Variants in PKD1L1 observed in about 807,000 individuals in gnomAD.
The protein encoded by PKD1L1 is polycystin 1 like 1, transient receptor potential channel interacting.
In PKD1L1, 236 loss-of-function variants were observed where a neutral mutation model predicts 323.4. That is an observed-to-expected ratio of 0.73 (90% CI 0.66 to 0.81). PKD1L1 has a LOEUF of 0.81. PKD1L1 is among the 40% of genes least tolerant of loss of function. The probability of loss-of-function intolerance (pLI) is 0.00; values close to 1 mark genes in which losing one functional copy is unlikely to be tolerated. For synonymous variants in PKD1L1, 1,344 were observed against 1,335.0 expected (o/e 1.01, Z -0.15); for missense variants, 3,320 against 3,508.0 (o/e 0.95, Z 1.35).
At chr7:47,922,245 G>A (rs978416948) in intron 7 of PKD1L1, among the ~76,000 whole-genome samples, 7 of 152,144 alleles carry the variant, frequency 4.6e-5, no homozygotes, top group African/African-American at 7.2e-5. Context: ...GTGCAGTGGC[G>A]TGCTCTCGGC....
chr7:47,959,058 G>T, the PKD1L1 span, among the ~76,000 whole-genome samples: 21 of 151,256 alleles, frequency 1.4e-4, no homozygotes, highest in South Asian at 4.0e-3. Flanking sequence ...TCCTAACTGC[G>T]AGTGATCCGC....
At position 47,886,010 on chromosome 7, in the gene PKD1L1, C is replaced by G; in HGVS notation, c.2881G>C (p.Gly961Arg). Reference protein sequence around the residue: ...VVGLLGSLGLGAISESSQLNL... With the variant: ...VVGLLGSLGLRAISESSQLNL... The stretch of plus-strand genomic sequence containing the variant: ...AACTGTGATGACTCTGAAATGGCAC[C>G]GAGTCCCAGCGAGCCAAGCAGCCCC... Residue 961 changes from glycine to arginine, a missense_variant, in exon 18 of 57, where the codon GGT (glycine) becomes CGT (arginine). Transcript: ENST00000289672. 6.2e-7 allele frequency: 1 copy of G among 1,614,018 alleles called. No homozygotes were observed. The highest frequency in any genetic ancestry group is 8.5e-7 in the Non-Finnish European group (1 of 1,179,980).
At chr7:47,948,324 TTTGA>T in intron 1 of PKD1L1, 69 bp downstream of exon 1, 2 of 1,572,784 alleles carry the variant, frequency 1.3e-6, no homozygotes, top group Non-Finnish European at 1.7e-6. Flanking sequence ...GGTGATGACT[TTTGA>T]AAGAAAATTT....
chr7:47,891,394 C>G (rs1414960655), intron 15 of PKD1L1, among the ~76,000 whole-genome samples: 1 of 152,220 alleles, frequency 6.6e-6, no homozygotes, highest in African/African-American at 2.4e-5. Context: ...CAGTCTTGCT[C>G]TAGCAGGGAT....
chr7:47,803,941 C>T (rs1784721168), intron 52 of PKD1L1, among the ~76,000 whole-genome samples: 1 of 152,156 alleles, frequency 6.6e-6, no homozygotes, highest in South Asian at 2.1e-4. Context: ...ATGGACTCGT[C>T]CACATTCACA....
Position 47,936,935 on chromosome 7 carries a change from T to C in PKD1L1, c.309A>G (p.Glu103=). The C allele has an allele frequency of 6.2e-7, 1 of 1,611,454 alleles. No homozygotes were observed. Among genetic ancestry groups the C allele is most frequent in the Middle Eastern group, 1.7e-4 (1 of 6,048 alleles). ...RQKNIWKTTS[E]AALSVVNEKT... ...TTTCATTAACAACACTTAACGCTGC[T>C]TCACTAGTTGTTTTCCAAATGTTCT... The change falls in exon 4 of 57, where the codon GAA becomes GAG. Residue 103 remains glutamate (E), a synonymous_variant. Transcript: ENST00000289672.
In PKD1L1 at chr7:47,813,987, GGT is replaced by G. The variant is rs1460022415; in HGVS notation, c.7115_7116del (p.Tyr2372SerfsTer8). The G allele has an allele frequency of 6.2e-7, 1 of 1,614,044 alleles. No individual in the cohort carries two copies. The highest frequency in any genetic ancestry group is 8.5e-7 in the Non-Finnish European group (1 of 1,180,026). ...TGCCTAATTACGGAACTGCCTATTA[GGT>G]AGCATTTTCCTCCAAGAGCTCCAGG... ...AQPGALGGKC[Y>X]LIGSSVIRQL... On this transcript the variant is annotated frameshift_variant, in exon 48 of 57. Coordinates refer to ENST00000289672, the MANE Select transcript of PKD1L1 (RefSeq NM_138295.5). LOFTEE classifies it high-confidence loss of function.
At chr7:47,803,419 T>G in intron 52 of PKD1L1, 75 bp from the exon 53 acceptor site, 2 of 1,544,152 alleles carry the variant, frequency 1.3e-6, no homozygotes, top group Non-Finnish European at 1.8e-6. Flanking sequence ...CAGCTGTCAG[T>G]CATGCATAAA....
chr7:47,821,931 C>T (rs1163243349), intron 45 of PKD1L1, among the ~76,000 whole-genome samples: 1 of 152,018 alleles, frequency 6.6e-6, no homozygotes, highest in African/African-American at 2.4e-5. Context: ...TCAGGTGATC[C>T]ACCTGCCTTG....
chr7:47,949,239 C>T (rs756893598), upstream of PKD1L1, among the ~76,000 whole-genome samples: 12 of 151,664 alleles, frequency 7.9e-5, no homozygotes, highest in Admixed American at 1.3e-4. Context: ...CATGGTGGCA[C>T]GCACCTGTAG....
chr7:47,774,900 G>T lies in PKD1L1; in HGVS notation c.*243C>A. The T allele has an allele frequency of 2.3e-6, 1 of 443,254 alleles. No homozygotes were observed. The highest frequency in any genetic ancestry group is 4.0e-6 in the Non-Finnish European group (1 of 248,036). 27.5% of individuals were successfully genotyped at this position (443,254 alleles called of 1,614,324 possible). A position where few individuals can be genotyped will look rare whatever the true frequency, so the allele number is the denominator to read the frequency against. ...ATTAACCATTTGGGAGAAGGCTGGA[G>T]TTAGAATCTTGTCCCACATCTGAAC... On this transcript the variant is annotated 3_prime_UTR_variant, in exon 57 of 57. Transcript: ENST00000289672.
chr7:47,784,703 C>T (rs1235196150), intron 56 of PKD1L1, among the ~76,000 whole-genome samples: 1 of 152,086 alleles, frequency 6.6e-6, no homozygotes, highest in Non-Finnish European at 1.5e-5. Flanking sequence ...GAACTCCTTA[C>T]CTCAGGTGAT....
chr7:47,902,126 A>T (rs1182165951), intron 13 of PKD1L1, among the ~76,000 whole-genome samples: 1 of 152,140 alleles, frequency 6.6e-6, no homozygotes, highest in East Asian at 1.9e-4. Flanking sequence ...GCGAATAAAG[A>T]ACTTATTCAC....
At chr7:47,829,976 T>A in intron 43 of PKD1L1, 64 bp downstream of exon 43, 1 of 1,461,242 alleles carries the variant, frequency 6.8e-7, no homozygotes, top group Non-Finnish European at 9.6e-7. Flanking sequence ...AAGCCTCTAT[T>A]TCCCCTTCCC....
At chr7:47,878,279 T>C (rs933661240) in intron 21 of PKD1L1, among the ~76,000 whole-genome samples, 4 of 152,238 alleles carry the variant, frequency 2.6e-5, no homozygotes, top group African/African-American at 9.6e-5. Flanking sequence ...ATACGCACAA[T>C]TATTATCCCC....
chr7:47,818,347 G>A, intron 46 of PKD1L1: 1 of 413,630 alleles, frequency 2.4e-6, no homozygotes, highest in East Asian at 8.2e-5. Context: ...TTGAGCATCT[G>A]CTGTGGGAAG....
chr7:47,844,916 G>A (rs987535926), intron 33 of PKD1L1, 79 bp downstream of exon 33: 14 of 1,211,270 alleles, frequency 1.2e-5, no homozygotes, highest in South Asian at 8.9e-5. Context: ...AAGCACCCCC[G>A]GAATTATATG....
At position 47,853,150 on chromosome 7, in the gene PKD1L1, TA is replaced by T. The variant is rs1363688603; in HGVS notation, c.4936del (p.Tyr1646IlefsTer12). On this transcript the variant is annotated frameshift_variant, in exon 31 of 57. Transcript: ENST00000289672. LOFTEE classifies it high-confidence loss of function. ...YFWDESIVQI[Y>X]IPAASQKDAS... is the part of the protein sequence containing the mutation. ...ACCTTTCTGAGAAGCAGCAGGTATATAAATCTGCACAATTGACTCATCCCAG... is the reference window on the plus strand; with the variant it reads ...ACCTTTCTGAGAAGCAGCAGGTATATAATCTGCACAATTGACTCATCCCAG... The T allele has an allele frequency of 1.2e-6, 2 of 1,613,214 alleles. No homozygotes were observed. Among genetic ancestry groups the T allele is most frequent in the Admixed American group, 3.3e-5 (2 of 60,016 alleles).
chr7:47,828,854 C>T (rs1427130618), intron 44 of PKD1L1, among the ~76,000 whole-genome samples: 3 of 152,206 alleles, frequency 2.0e-5, no homozygotes, highest in Admixed American at 6.5e-5. Flanking sequence ...GGTCCTTGGT[C>T]GTAAGTGACT....
Sources: allele counts gnomAD v4.1 joint callset (sites outside exome capture counted in the v4.1 genomes callset), GRCh38; gene constraint gnomAD v4.1.1; transcripts MANE v1.5; gene names NCBI Gene and HGNC (gene_info 2026-07-23, HGNC 2026-07-21).